Variants in TENM2 observed in about 807,000 individuals in gnomAD.
TENM2 encodes teneurin transmembrane protein 2.
In TENM2, 52 loss-of-function variants were observed where a neutral mutation model predicts 245.2. The ratio of observed to expected loss-of-function variants is 0.21; its 90% CI spans 0.17 to 0.27. TENM2 has a LOEUF of 0.27. TENM2 is among the 10% of genes least tolerant of loss of function. The pLI, the probability that TENM2 is intolerant of heterozygous loss-of-function variation, is 1.00. For synonymous variants in TENM2, 1,363 were observed against 1,438.9 expected (o/e 0.95, Z 1.19); for missense variants, 3,046 against 3,666.8 (o/e 0.83, Z 4.37).
At chr5:168,237,875 G>A (rs1765646753) in intron 25 of TENM2, among the ~76,000 whole-genome samples, 1 of 151,846 alleles carries the variant, frequency 6.6e-6, no homozygotes, top group Admixed American at 6.6e-5. Flanking sequence ...GGGCGCGGTG[G>A]CTCATGCCTG....
chr5:167,875,324 G>A (rs939187265), intron 2 of TENM2, among the ~76,000 whole-genome samples: 3 of 152,106 alleles, frequency 2.0e-5, no homozygotes, highest in Non-Finnish European at 2.9e-5. Context: ...CTCTGAAGGT[G>A]GAATGGCTTG....
intron 1 of TENM2, among the ~76,000 whole-genome samples, chr5:167,349,014 A>G (rs984352977): frequency 1.4e-4 from 21 of 152,212 alleles, no homozygotes; most frequent in African/African-American, 4.8e-4. Context: ...CTTCACAGCT[A>G]TATTGAGGTA....
rs903684374 is a variant in TENM2, at chr5:168,165,660, C to G, written c.2569+2903C>G. ...GATCCCCCCCCCAACCCCCCCCCCCCCCCCGGCTGGCAGAGACAAAGCAGT... is the reference window on the plus strand; with the variant it reads ...GATCCCCCCCCCAACCCCCCCCCCCGCCCCGGCTGGCAGAGACAAAGCAGT... On this transcript the variant is annotated intron_variant, in intron 13 of 28. Transcript: ENST00000518659. 1.1e-3 allele frequency among the ~76,000 whole-genome samples: 112 copies of G among 100,012 alleles called. 9 individuals carry two copies. The highest frequency in any genetic ancestry group is 7.8e-3 in the Middle Eastern group (2 of 256). The allele number at this position is 100,012 out of a possible 152,430, so 65.6% of individuals were successfully genotyped here. A position where few individuals can be genotyped will look rare whatever the true frequency, so the allele number is the denominator to read the frequency against.
the TENM2 span, among the ~76,000 whole-genome samples, chr5:167,240,258 C>CA: frequency 7.1e-6 from 1 of 141,696 alleles, no homozygotes; most frequent in East Asian, 2.0e-4. Flanking sequence ...GGTAGGTGGC[C>CA]TTTTTTTTTT....
At chr5:167,706,406 TA>T (rs1174830947) in intron 2 of TENM2, among the ~76,000 whole-genome samples, 3 of 149,070 alleles carry the variant, frequency 2.0e-5, no homozygotes, top group Non-Finnish European at 3.0e-5. Flanking sequence ...TATATATATA[TA>T]AGAAAATGTG....
chr5:167,768,519 G>A (rs1474306682), intron 2 of TENM2, among the ~76,000 whole-genome samples: 3 of 152,120 alleles, frequency 2.0e-5, no homozygotes, highest in Non-Finnish European at 4.4e-5. Flanking sequence ...GCCCTTAGAA[G>A]CTTTATTTTA....
intron 5 of TENM2, among the ~76,000 whole-genome samples, chr5:168,039,404 T>C (rs926379641): frequency 5.9e-5 from 9 of 152,138 alleles, no homozygotes; most frequent in African/African-American, 2.2e-4. Flanking sequence ...ATGTGTGTAT[T>C]GTGGGGATGT....
chr5:168,198,937 G>C (rs1761698902), exon 16 of TENM2: 5 of 1,613,948 alleles, frequency 3.1e-6, no homozygotes, highest in Non-Finnish European at 4.2e-6. Flanking sequence ...GCACTGTGTG[G>C]CTGCCGTGGA....
At chr5:167,284,778 A>G (rs966708473), upstream of TENM2, 8 of 1,319,318 alleles carry the variant, frequency 6.1e-6, no homozygotes, top group African/African-American at 8.8e-5. Flanking sequence ...CAAAGTGACA[A>G]GTGCCAAAAC....
At chr5:167,249,219 C>T in the TENM2 span, among the ~76,000 whole-genome samples, 1 of 152,038 alleles carries the variant, frequency 6.6e-6, no homozygotes, top group Admixed American at 6.6e-5. Flanking sequence ...CAAATTGAAA[C>T]ATTGTTGAAG....
At chr5:167,268,889 G>GATAGATAGATAGATAGATAC in the TENM2 span, among the ~76,000 whole-genome samples, 3 of 148,942 alleles carry the variant, frequency 2.0e-5, no homozygotes, top group African/African-American at 7.4e-5. Flanking sequence ...TAGATAGATA[G>GATAGATAGATAGATAGATAC]ATAGATAGAT....
At chr5:168,129,432 G>T (rs1385028678) in intron 12 of TENM2, 2 of 152,210 alleles carry the variant, frequency 1.3e-5, no homozygotes, top group Non-Finnish European at 2.9e-5. Flanking sequence ...ATAGTCTCTT[G>T]TTCAGAACGA....
chr5:167,022,641 T>C, the TENM2 span, among the ~76,000 whole-genome samples: 1 of 152,172 alleles, frequency 6.6e-6, no homozygotes, highest in Non-Finnish European at 1.5e-5. Flanking sequence ...ATACACTTCC[T>C]TGTCTTCTTT....
chr5:168,107,880 C>T (rs1235190882), intron 9 of TENM2, among the ~76,000 whole-genome samples: 1 of 152,246 alleles, frequency 6.6e-6, no homozygotes, highest in African/African-American at 2.4e-5. Flanking sequence ...ACCCTGCAGT[C>T]ACCTGGGCTT....
At chr5:167,546,319 A>C (rs921852076) in intron 2 of TENM2, among the ~76,000 whole-genome samples, 1 of 152,162 alleles carries the variant, frequency 6.6e-6, no homozygotes, top group African/African-American at 2.4e-5. Context: ...CAAATGCCTG[A>C]CTTTCAAATT....
chr5:167,513,406 C>T (rs578175157), intron 2 of TENM2, among the ~76,000 whole-genome samples: 9 of 152,074 alleles, frequency 5.9e-5, no homozygotes, highest in Non-Finnish European at 1.2e-4. Context: ...ACTGGAGTAA[C>T]GAAGTAAAGC....
intron 2 of TENM2, among the ~76,000 whole-genome samples, chr5:167,683,990 A>T (rs1756910915): frequency 6.6e-6 from 1 of 152,106 alleles, no homozygotes; most frequent in Non-Finnish European, 1.5e-5. Context: ...GACATTGCAC[A>T]CTCCATGTGG....
At chr5:167,652,555 CA>C (rs977724889) in intron 2 of TENM2, among the ~76,000 whole-genome samples, 1 of 150,880 alleles carries the variant, frequency 6.6e-6, no homozygotes, top group Admixed American at 6.6e-5. Flanking sequence ...GTCAGTATGT[CA>C]AAGCTGGAAT....
At chr5:167,622,971 G>A (rs1049839751) in intron 2 of TENM2, among the ~76,000 whole-genome samples, 1 of 152,046 alleles carries the variant, frequency 6.6e-6, no homozygotes, top group African/African-American at 2.4e-5. Flanking sequence ...ATAGTTGTCT[G>A]TACTTGTGGC....
Sources: allele counts gnomAD v4.1 joint callset (sites outside exome capture counted in the v4.1 genomes callset), GRCh38; gene constraint gnomAD v4.1.1; transcripts MANE v1.5; gene names NCBI Gene and HGNC (gene_info 2026-07-23, HGNC 2026-07-21).